The following NEDD4 variants were observed in gnomAD, a reference collection of about 807,000 sequenced individuals.
NEDD4 encodes E3 ubiquitin-protein ligase NEDD4.
NEDD4 carries 99 observed loss-of-function variants against 144.9 expected under a neutral mutation model. The ratio of observed to expected loss-of-function variants is 0.68; its 90% CI spans 0.58 to 0.81. The LOEUF is 0.81. Ranked by LOEUF, NEDD4 falls within the 30% of genes least tolerant of loss-of-function variation. NEDD4 has a pLI of 0.00. For missense variants in NEDD4, 985 were observed against 1,065.9 expected (o/e 0.92, Z 1.06); for synonymous variants, 318 against 350.6 (o/e 0.91, Z 1.04).
chr15:55,912,441 C>A (rs1342936452), intron 5 of NEDD4, among the ~76,000 whole-genome samples: 1 of 151,870 alleles, frequency 6.6e-6, no homozygotes, highest in Non-Finnish European at 1.5e-5. Context: ...TGAACAAAAA[C>A]TTTTATAACA....
At chr15:55,935,616 G>A (rs2036870598) in intron 4 of NEDD4, among the ~76,000 whole-genome samples, 1 of 152,050 alleles carries the variant, frequency 6.6e-6, no homozygotes, top group Non-Finnish European at 1.5e-5. Flanking sequence ...GGGAGGCTGA[G>A]GCAGACGGAT....
chr15:55,967,440 CTGTG>C (rs200788423), intron 1 of NEDD4, among the ~76,000 whole-genome samples: 1,545 of 142,310 alleles, frequency 0.011, 14 homozygotes, highest in African/African-American at 0.031. Context: ...CATAACTATG[CTGTG>C]TGTGTGTGTG....
chr15:55,858,986 G>A (rs187657965), intron 11 of NEDD4, among the ~76,000 whole-genome samples: 1 of 152,316 alleles, frequency 6.6e-6, no homozygotes, highest in East Asian at 1.9e-4. Flanking sequence ...ACCGGTTGTA[G>A]TTTGCTTTCC....
chr15:55,864,952 C>A (rs1322004704), intron 8 of NEDD4, among the ~76,000 whole-genome samples: 1 of 152,000 alleles, frequency 6.6e-6, no homozygotes, highest in African/African-American at 2.4e-5. Context: ...AATCTCAGCA[C>A]TTTGGGAAGC....
At chr15:55,916,315 C>T (rs1044655521) in intron 5 of NEDD4, 1 of 1,614,020 alleles carries the variant, frequency 6.2e-7, no homozygotes, top group Non-Finnish European at 8.5e-7. Context: ...GTGATACTTG[C>T]ACATGACCCA....
Position 55,992,364 on chromosome 15 carries a change from G to T in NEDD4, c.45+1147C>A, listed in dbSNP as rs1241660841. On this transcript the variant is annotated intron_variant, in intron 1 of 28. Coordinates refer to ENST00000435532, the MANE Select transcript of NEDD4 (RefSeq NM_006154.4). ...CCTGAAATAACTGCATTAACAAATTGCCCACCCTTTATAAACAAAGAACTC... is the reference window on the plus strand; with the variant it reads ...CCTGAAATAACTGCATTAACAAATTTCCCACCCTTTATAAACAAAGAACTC... Among the ~76,000 whole-genome samples the T allele has an allele frequency of 6.6e-5, 10 of 152,190 alleles. No individual in the cohort carries two copies. The East Asian group carries it at 1.9e-3, about 29-fold the overall frequency.
At chr15:55,960,815 C>A (rs1044564501) in intron 2 of NEDD4, among the ~76,000 whole-genome samples, 4 of 152,098 alleles carry the variant, frequency 2.6e-5, no homozygotes, top group African/African-American at 9.7e-5. Flanking sequence ...TGCCCTGGAC[C>A]CCAGTAAAAG....
intron 5 of NEDD4, among the ~76,000 whole-genome samples, chr15:55,876,352 G>GTT (rs537798836): frequency 7.0e-6 from 1 of 142,726 alleles, no homozygotes. Context: ...TGTGGGTAAA[G>GTT]TTTTTTTTTT....
Position 55,860,720 on chromosome 15 carries a change from T to C in NEDD4, c.733A>G (p.Thr245Ala). Residue 245 changes from threonine (T) to alanine (A), a missense_variant, in exon 10 of 29, where the codon ACC (threonine) becomes GCC (alanine). Physicochemically the swap from Thr to Ala is moderately conservative, Grantham distance 58. Transcript: ENST00000435532. ...NIQLQAQRAF[T>A]TRRQISEETE... ...TCCTCGGATATCTGCCGCCTGGTGG[T>C]AAATGCACGTTGTGCTTGCAGTTGA... is the stretch of plus-strand genomic sequence containing the variant. The C allele has an allele frequency of 6.2e-7, 1 of 1,614,220 alleles. No homozygotes were observed. The highest frequency in any genetic ancestry group is 8.5e-7 in the Non-Finnish European group (1 of 1,180,030).
rs1447623048 is a variant in NEDD4, at chr15:55,848,445, A to C, written c.1484-15T>G. 1 of 1,614,042 alleles carries C rather than the reference A, an allele frequency of 6.2e-7. No homozygotes were observed. The highest frequency in any genetic ancestry group is 1.1e-5 in the South Asian group (1 of 91,084). On this transcript the variant is annotated splice_polypyrimidine_tract_variant and intron_variant, in intron 16 of 28. Coordinates refer to ENST00000435532, the MANE Select transcript of NEDD4 (RefSeq NM_006154.4). ...TCTTTTTATATCTGAAGGGAAGAAAAAGAAAAAAGATGTACTTTCTCACAC... is the reference window on the plus strand; with the variant it reads ...TCTTTTTATATCTGAAGGGAAGAAACAGAAAAAAGATGTACTTTCTCACAC...
intron 5 of NEDD4, among the ~76,000 whole-genome samples, chr15:55,881,067 T>C (rs188238172): frequency 6.6e-6 from 1 of 152,088 alleles, no homozygotes; most frequent in Non-Finnish European, 1.5e-5. Context: ...CATGAGTTGA[T>C]GATAATTTTT....
At chr15:55,911,519 T>G (rs2036272384) in intron 5 of NEDD4, among the ~76,000 whole-genome samples, 1 of 152,072 alleles carries the variant, frequency 6.6e-6, no homozygotes, top group Admixed American at 6.5e-5. Flanking sequence ...ACATCACATA[T>G]TAGACTGAAA....
chr15:55,988,243 A>G (rs1321947958), intron 1 of NEDD4, among the ~76,000 whole-genome samples: 4 of 127,506 alleles, frequency 3.1e-5, no homozygotes, highest in African/African-American at 6.2e-5. Context: ...CAAACACCGC[A>G]TATTCTCACT....
intron 5 of NEDD4, among the ~76,000 whole-genome samples, chr15:55,882,249 C>T (rs1332025762): frequency 6.6e-6 from 1 of 152,208 alleles, no homozygotes; most frequent in East Asian, 1.9e-4. Flanking sequence ...TTTAACTTCA[C>T]ATCACTGAAA....
chr15:55,980,526 C>T (rs1052390467), intron 1 of NEDD4, among the ~76,000 whole-genome samples: 2 of 152,126 alleles, frequency 1.3e-5, no homozygotes, highest in Non-Finnish European at 1.5e-5. Context: ...CAACAGTACC[C>T]GCCCCTCGTA....
chr15:55,926,166 T>C (rs1225045743), intron 4 of NEDD4, among the ~76,000 whole-genome samples: 1 of 152,172 alleles, frequency 6.6e-6, no homozygotes, highest in Non-Finnish European at 1.5e-5. Context: ...CTATTCTATA[T>C]ATTGTTTTTT....
intron 5 of NEDD4, among the ~76,000 whole-genome samples, chr15:55,882,184 A>C (rs115310979): frequency 0.015 from 2,227 of 152,310 alleles, 37 homozygotes; most frequent in African/African-American, 0.051. Context: ...TAAAAATCAC[A>C]CAAAAAGCAC....
chr15:55,846,936 G>T, intron 18 of NEDD4, 33 bp downstream of exon 18: 3 of 1,274,598 alleles, frequency 2.4e-6, no homozygotes, highest in South Asian at 1.3e-5. Context: ...ATATATTGAT[G>T]ACTCTTAAGT....
At chr15:55,924,531 T>C in intron 5 of NEDD4, 115 bp downstream of exon 5, 1 of 862,266 alleles carries the variant, frequency 1.2e-6, no homozygotes, top group Non-Finnish European at 1.9e-6. Flanking sequence ...GCCCAGAGTC[T>C]CCATAACCAC....
Sources: gnomAD v4.1 joint callset for allele counts (sites outside exome capture counted in the v4.1 genomes callset) on GRCh38, gnomAD v4.1.1 for gene constraint, MANE v1.5 for transcripts, NCBI Gene and HGNC (gene_info 2026-07-23, HGNC 2026-07-21) for gene names.